PARP6: variants seen among roughly 807,000 people sequenced by gnomAD.
PARP6 encodes protein mono-ADP-ribosyltransferase PARP6.
A neutral mutation model predicts 92.0 loss-of-function variants in PARP6; 27 were observed. That is an observed-to-expected ratio of 0.29 (90% CI 0.22 to 0.40). The LOEUF (loss-of-function observed/expected upper bound fraction) is 0.40, where lower values mean the gene tolerates loss of function less well. PARP6 is among the 10% of genes least tolerant of loss of function. The probability of loss-of-function intolerance (pLI) is 1.00; values close to 1 mark genes in which losing one functional copy is unlikely to be tolerated. For synonymous variants in PARP6, 272 were observed against 281.2 expected (o/e 0.97, Z 0.33); for missense variants, 501 against 784.5 (o/e 0.64, Z 4.32).
intron 8 of PARP6, 135 bp from the exon 9 acceptor site, chr15:72,261,842 G>C: frequency 2.5e-6 from 2 of 807,304 alleles, no homozygotes; most frequent in South Asian, 3.3e-5. Flanking sequence ...TGTATCTGAA[G>C]ACCCCTTTAA....
rs191664058 is a variant in PARP6 at position 72,250,001 on chromosome 15, G to A, written c.1491+19C>T. ...GAAGGGAGCGGTTAGAAATAAAGGA[G>A]AAAGGGGCACAGCCTCACCTGCAGT... is the stretch of plus-strand genomic sequence containing the variant. On this transcript the variant is annotated intron_variant, in intron 19 of 23. Coordinates refer to ENST00000569795, the MANE Select transcript of PARP6 (RefSeq NM_001323532.2). 2.1e-5 allele frequency: 33 copies of A among 1,536,286 alleles called. No homozygotes were observed. In the Admixed American group the frequency reaches 5.5e-4, roughly 26 times the overall value.
chr15:72,257,809 C>T (rs2085327758), intron 12 of PARP6, among the ~76,000 whole-genome samples: 1 of 152,180 alleles, frequency 6.6e-6, no homozygotes, highest in African/African-American at 2.4e-5. Flanking sequence ...TATCTGATCC[C>T]CATTTTTAAA....
chr15:72,259,742 A>C, intron 10 of PARP6, 81 bp from the exon 11 acceptor site: 1 of 1,194,932 alleles, frequency 8.4e-7, no homozygotes. Flanking sequence ...CCTATCACCT[A>C]GGACTCTCCT....
In PARP6 at chr15:72,241,515, C is replaced by G; in HGVS notation, c.1833G>C (p.Gln611His). 6.2e-7 allele frequency: 1 copy of G among 1,614,078 alleles called. No homozygotes were observed. Among genetic ancestry groups the G allele is most frequent in the Non-Finnish European group, 8.5e-7 (1 of 1,179,962 alleles). ...GQVGDANINT[Q>H]DPKIQKEIMR... ...TGATTTCCTTCTGTATCTTGGGGTC[C>G]TGAGTATTAATGTTGGCATCGCCCA... is the stretch of plus-strand genomic sequence containing the variant. The change falls in exon 24 of 24, where the codon CAG becomes CAC. Residue 611 changes from glutamine to histidine, a missense_variant. Gln to His is a conservative substitution (Grantham distance 24, BLOSUM62 0). Coordinates refer to ENST00000569795, the MANE Select transcript of PARP6 (RefSeq NM_001323532.2). This position sits in a 1 kb window ranked among gnomAD's most constrained non-coding sequence, Gnocchi z 4.1.
intron 20 of PARP6, among the ~76,000 whole-genome samples, chr15:72,248,848 T>A (rs748571306): frequency 1.4e-4 from 21 of 152,234 alleles, no homozygotes; most frequent in Non-Finnish European, 2.5e-4. Context: ...TCTAGAAATA[T>A]AAGCCAATGG....
intron 2 of PARP6, among the ~76,000 whole-genome samples, chr15:72,268,863 C>G (rs1002017625): frequency 2.6e-5 from 4 of 152,114 alleles, no homozygotes; most frequent in African/African-American, 9.7e-5. Context: ...AACCCAGAGC[C>G]CTTTCATACA....
At chr15:72,265,528 T>G in intron 5 of PARP6, 55 bp from the exon 6 acceptor site, 10 of 1,353,266 alleles carry the variant, frequency 7.4e-6, no homozygotes, top group Non-Finnish European at 1.1e-5. Context: ...AAGAAGGGAA[T>G]AGAAACTGAG....
intron 2 of PARP6, among the ~76,000 whole-genome samples, chr15:72,267,967 G>C (rs1202610103): frequency 6.6e-6 from 1 of 152,158 alleles, no homozygotes; most frequent in Admixed American, 6.5e-5. Context: ...GGCCAGGCTG[G>C]TCTCGAACTC....
At chr15:72,249,097 G>T (rs2140934485) in intron 20 of PARP6, 148 bp downstream of exon 20, 1 of 406,226 alleles carries the variant, frequency 2.5e-6, no homozygotes, top group Non-Finnish European at 4.5e-6. Context: ...AGAAAATGTA[G>T]AGAGAGAGAG....
intron 2 of PARP6, among the ~76,000 whole-genome samples, chr15:72,269,880 C>T (rs1209640474): frequency 9.9e-6 from 1 of 100,980 alleles, no homozygotes; most frequent in Non-Finnish European, 1.9e-5. Flanking sequence ...GCCTGGGGGG[C>T]AACAGCAAAA....
Position 72,265,160 on chromosome 15 carries a change from A to G in PARP6, c.249T>C (p.Ser83=). ...INISFLDEEV[S]TAWKVLRTEP... is the part of the protein sequence containing the mutation. Reference sequence around the variant, plus strand: ...CTGTCCGGAGGACCTTCCAGGCTGTAGAGACTTCCTCCTAAAAGAAGAAGG... The same window carrying G: ...CTGTCCGGAGGACCTTCCAGGCTGTGGAGACTTCCTCCTAAAAGAAGAAGG... The change falls in exon 7 of 24, where the codon TCT becomes TCC. Residue 83 remains serine, a synonymous_variant. Coordinates refer to ENST00000569795, the MANE Select transcript of PARP6 (RefSeq NM_001323532.2). 6.2e-7 allele frequency: 1 copy of G among 1,611,066 alleles called. No homozygotes were observed.
rs1228064537 is a variant in PARP6 at position 72,241,969 on chromosome 15, G to T, written c.1722C>A (p.Asp574Glu). ...IALCEVITSKDLQKHGNIWVC... is the reference protein window; with the variant it reads ...IALCEVITSKELQKHGNIWVC... Reference sequence around the variant, plus strand: ...CCCAGATGTTCCCATGCTTCTGGAGGTCCTTAGATGTAATCACTGGGAGAA... The same window carrying T: ...CCCAGATGTTCCCATGCTTCTGGAGTTCCTTAGATGTAATCACTGGGAGAA... Residue 574 changes from aspartate to glutamate, a missense_variant, in exon 23 of 24, where the codon GAC becomes GAA. Asp to Glu is a conservative substitution (Grantham distance 45, BLOSUM62 2). Transcript: ENST00000569795. The surrounding 1 kb of genome is among the most constrained non-coding windows in gnomAD (Gnocchi z 4.1). 1 of 1,612,434 alleles carries T rather than the reference G, an allele frequency of 6.2e-7. No individual in the cohort carries two copies. Among genetic ancestry groups the T allele is most frequent in the Non-Finnish European group, 8.5e-7 (1 of 1,178,440 alleles).
chr15:72,263,708 C>T (rs889317090), intron 8 of PARP6, among the ~76,000 whole-genome samples: 1 of 152,122 alleles, frequency 6.6e-6, no homozygotes, highest in Non-Finnish European at 1.5e-5. Context: ...ACATGGACAA[C>T]TCTTATCCAT....
At chr15:72,265,208 C>A in intron 6 of PARP6, 37 bp from the exon 7 acceptor site, 1 of 1,465,104 alleles carries the variant, frequency 6.8e-7, no homozygotes. Flanking sequence ...AGTTTAGCAA[C>A]ATAGACGAAT....
intron 18 of PARP6, 45 bp downstream of exon 18, chr15:72,250,800 C>A: frequency 1.1e-6 from 1 of 932,320 alleles, no homozygotes; most frequent in South Asian, 1.4e-5. Context: ...CTTGCTCATC[C>A]CCGCCCCCTC....
At chr15:72,262,588 C>T (rs1304772481) in intron 8 of PARP6, among the ~76,000 whole-genome samples, 1 of 152,192 alleles carries the variant, frequency 6.6e-6, no homozygotes, top group Non-Finnish European at 1.5e-5. Context: ...TTTCTCAACC[C>T]ATACTCATTG....
At position 72,266,739 on chromosome 15, in the gene PARP6, C is replaced by T; in HGVS notation, c.81+6G>A. On this transcript the variant is annotated splice_donor_region_variant and intron_variant, in intron 4 of 23. Transcript: ENST00000569795. ...AACACGGGGGTCTTGGGAGATGTAA[C>T]CTCACCTGAACGCCATAGAGAAATT... 6.2e-7 allele frequency: 1 copy of T among 1,609,826 alleles called. No individual in the cohort carries two copies. Among genetic ancestry groups the T allele is most frequent in the Non-Finnish European group, 8.5e-7 (1 of 1,176,112 alleles).
At chr15:72,260,417 C>T in intron 10 of PARP6, 61 bp downstream of exon 10, 2 of 1,365,922 alleles carry the variant, frequency 1.5e-6, no homozygotes, top group Non-Finnish European at 1.0e-6. Flanking sequence ...AGAAACTACA[C>T]TCCCACAGTT....
rs180702221 is a variant in PARP6, at chr15:72,247,637, G to A, written c.1561+1608C>T. ...GGGCTTGGTGAGGTTTATTTTGTGT[G>A]TGGAAATTTTTACACAATTTCTATT... On this transcript the variant is annotated intron_variant, in intron 20 of 23. Transcript: ENST00000569795. 2.6e-5 allele frequency among the ~76,000 whole-genome samples: 4 copies of A among 152,230 alleles called. No individual in the cohort carries two copies. The East Asian group carries it at 5.8e-4, about 22-fold the overall frequency.
Sources: allele counts gnomAD v4.1 joint callset (sites outside exome capture counted in the v4.1 genomes callset), GRCh38; gene constraint gnomAD v4.1.1; non-coding constraint Gnocchi (gnomAD v3.1); transcripts MANE v1.5; gene names NCBI Gene and HGNC (gene_info 2026-07-23, HGNC 2026-07-21).